RPS6KA2: variants seen among roughly 807,000 people sequenced by gnomAD.
RPS6KA2 encodes ribosomal protein S6 kinase alpha-2.
A neutral mutation model predicts 91.8 loss-of-function variants in RPS6KA2; 42 were observed. The observed-to-expected ratio is 0.46, with a 90% CI of 0.36 to 0.59. The LOEUF is 0.59. RPS6KA2 is among the 20% of genes least tolerant of loss of function. RPS6KA2 has a pLI of 0.00. For synonymous variants in RPS6KA2, 414 were observed against 393.6 expected, an observed-to-expected ratio of 1.05 and a Z score of -0.61; for missense variants, 798 against 978.5, an observed-to-expected ratio of 0.82 and a Z score of 2.46.
Position 166,490,186 on chromosome 6 carries a change from G to A in RPS6KA2, c.818+485C>T, listed in dbSNP as rs1444512729. ...GTAAAACGATACCGAGTCCTGCCAA[G>A]GTCAACCAGGAGTGCTATATGAATG... is the stretch of plus-strand genomic sequence containing the variant. On this transcript the variant is annotated intron_variant, in intron 9 of 20. Coordinates refer to ENST00000265678, the MANE Select transcript of RPS6KA2 (RefSeq NM_021135.6). The surrounding 1 kb of genome is among the most constrained non-coding windows in gnomAD (Gnocchi z 4.2). 6.6e-6 allele frequency among the ~76,000 whole-genome samples: 1 copy of A among 152,178 alleles called. No homozygotes were observed. The highest frequency in any genetic ancestry group is 1.5e-5 in the Non-Finnish European group (1 of 68,036).
chr6:166,655,523 GCCTGGGCTGGAGGCTACACA>G (rs1787977158), intron 2 of RPS6KA2, among the ~76,000 whole-genome samples: 1 of 152,242 alleles, frequency 6.6e-6, no homozygotes, highest in Non-Finnish European at 1.5e-5. Context: ...TTCTGCCACA[GCCTGGGCTGGAGGCTACACA>G]CCTGGCTGGT....
At chr6:166,570,294 C>T (rs919145809) in intron 1 of RPS6KA2, among the ~76,000 whole-genome samples, 2 of 152,192 alleles carry the variant, frequency 1.3e-5, no homozygotes, top group African/African-American at 4.8e-5. Flanking sequence ...TCACCGCCTC[C>T]TCAAAGAGAG....
At position 166,666,621 on chromosome 6, in the gene RPS6KA2, T is replaced by C. The variant is rs1788323849; in HGVS notation, c.124-127837A>G. ...ACATCAAAACAAATAGCATAATGAG[T>C]GTTGGCGAGGGTGCTGAAAAATTAG... On this transcript the variant is annotated intron_variant, in intron 2 of 21. Transcript: ENST00000503859. This position sits in a 1 kb window ranked among gnomAD's most constrained non-coding sequence, Gnocchi z 4.0. Among the ~76,000 whole-genome samples the C allele has an allele frequency of 6.6e-6, 1 of 151,958 alleles. No individual in the cohort carries two copies. Among genetic ancestry groups the C allele is most frequent in the Non-Finnish European group, 1.5e-5 (1 of 68,004 alleles).
At chr6:166,797,962 A>G (rs915857706) in intron 2 of RPS6KA2, among the ~76,000 whole-genome samples, 1 of 152,148 alleles carries the variant, frequency 6.6e-6, no homozygotes, top group African/African-American at 2.4e-5. Flanking sequence ...GGCAAGAGTG[A>G]AAAAAACCTT....
At chr6:166,439,135 GTCTC>G (rs747136951) in intron 14 of RPS6KA2, among the ~76,000 whole-genome samples, 1 of 151,362 alleles carries the variant, frequency 6.6e-6, no homozygotes, top group East Asian at 1.9e-4. Context: ...TTGAGATGGA[GTCTC>G]TCTCTGTCGC....
At chr6:166,534,145 C>T (rs1263897738) in intron 2 of RPS6KA2, among the ~76,000 whole-genome samples, 2 of 150,058 alleles carry the variant, frequency 1.3e-5, no homozygotes, top group Admixed American at 1.3e-4. Context: ...TGGTGTGAAC[C>T]CGGGAGGCGG....
chr6:166,728,694 C>T lies in RPS6KA2; in HGVS notation c.123+129506G>A, dbSNP rs559570688. 3.3e-5 allele frequency among the ~76,000 whole-genome samples: 5 copies of T among 152,266 alleles called. No individual in the cohort carries two copies. The South Asian group carries it at 1.0e-3, about 32-fold the overall frequency. Reference sequence around the variant, plus strand: ...CAATAGAATCTGTGGAATGTAGGATCAATACCACGTGCTTACTTTCTCACT... The same window carrying T: ...CAATAGAATCTGTGGAATGTAGGATTAATACCACGTGCTTACTTTCTCACT... On this transcript the variant is annotated intron_variant, in intron 2 of 21. Transcript: ENST00000503859.
At chr6:166,697,824 G>A (rs1789399606) in intron 2 of RPS6KA2, among the ~76,000 whole-genome samples, 1 of 152,212 alleles carries the variant, frequency 6.6e-6, no homozygotes, top group Non-Finnish European at 1.5e-5. Flanking sequence ...ATGGATGGAT[G>A]GCCGTTCCCT....
intron 17 of RPS6KA2, among the ~76,000 whole-genome samples, chr6:166,420,295 C>CAGTTTA (rs1778677269): frequency 1.3e-5 from 2 of 152,192 alleles, no homozygotes; most frequent in African/African-American, 4.8e-5. Flanking sequence ...TTTAAGTGCA[C>CAGTTTA]AGTTTAGCAG....
chr6:166,439,305 G>A (rs770395726), intron 14 of RPS6KA2, among the ~76,000 whole-genome samples: 4 of 152,086 alleles, frequency 2.6e-5, no homozygotes, highest in African/African-American at 7.2e-5. Flanking sequence ...ACGGGGCTTC[G>A]CCATGTTGGC....
At chr6:166,827,380 G>A (rs761858095) in intron 2 of RPS6KA2, among the ~76,000 whole-genome samples, 3 of 151,522 alleles carry the variant, frequency 2.0e-5, no homozygotes, top group Non-Finnish European at 2.9e-5. Context: ...ATGGAACACC[G>A]TTCAGCCTTG....
rs187670740 is a variant in RPS6KA2 at position 166,465,677 on chromosome 6, C to T, written c.972+4164G>A. 6.6e-5 allele frequency among the ~76,000 whole-genome samples: 10 copies of T among 152,344 alleles called. No homozygotes were observed. In the East Asian group the frequency reaches 1.9e-3, roughly 29 times the overall value. ...CCTCTGCTGGTTAATTCCACTCGCC[C>T]TCTTTCAGGCATCATTTCTCTCTCT... On this transcript the variant is annotated intron_variant, in intron 11 of 20. Coordinates refer to ENST00000265678, the MANE Select transcript of RPS6KA2 (RefSeq NM_021135.6).
chr6:166,731,459 TG>T (rs10715916), intron 2 of RPS6KA2, among the ~76,000 whole-genome samples: 5,118 of 141,346 alleles, frequency 0.036, 293 homozygotes, highest in African/African-American at 0.13. Flanking sequence ...AGGGGCGTGG[TG>T]GGGGCGGGGC....
intron 2 of RPS6KA2, among the ~76,000 whole-genome samples, chr6:166,632,469 G>A (rs932906082): frequency 5.3e-5 from 8 of 151,976 alleles, no homozygotes; most frequent in South Asian, 2.1e-4. Flanking sequence ...AAAATTAGCC[G>A]GGCATGGTGG....
intron 14 of RPS6KA2, among the ~76,000 whole-genome samples, chr6:166,441,513 C>A (rs1451658092): frequency 6.6e-6 from 1 of 152,242 alleles, no homozygotes; most frequent in Non-Finnish European, 1.5e-5. Context: ...CAGCTAACAC[C>A]CCACGTGATA....
rs1241793424 is a variant in RPS6KA2 at position 166,770,490 on chromosome 6, T to TA, written c.123+87709dup. ...TGCCATGGCTCCCTTCTGCCGCTGG[T>TA]AATTTCAGCTTATTTTGAAGGCACG... On this transcript the variant is annotated intron_variant, in intron 2 of 21. Coordinates refer to the RPS6KA2 transcript ENST00000503859. This position sits in a 1 kb window ranked among gnomAD's most constrained non-coding sequence, Gnocchi z 5.1. Among the ~76,000 whole-genome samples, 2 of 152,188 alleles carry TA rather than the reference T, an allele frequency of 1.3e-5. No homozygotes were observed. The highest frequency in any genetic ancestry group is 2.9e-5 in the Non-Finnish European group (2 of 68,036).
chr6:166,447,869 C>A (rs559334982), intron 14 of RPS6KA2, among the ~76,000 whole-genome samples: 9 of 152,172 alleles, frequency 5.9e-5, no homozygotes, highest in African/African-American at 4.8e-5. Flanking sequence ...CCTCGCTCTG[C>A]GACAGCCTGG....
chr6:166,835,030 T>C (rs1271860975), intron 2 of RPS6KA2, among the ~76,000 whole-genome samples: 1 of 152,206 alleles, frequency 6.6e-6, no homozygotes, highest in Non-Finnish European at 1.5e-5. Flanking sequence ...TGTTTATAAA[T>C]ATCTACTTGT....
intron 2 of RPS6KA2, among the ~76,000 whole-genome samples, chr6:166,723,349 T>G (rs1244124451): frequency 6.6e-6 from 1 of 152,240 alleles, no homozygotes; most frequent in Non-Finnish European, 1.5e-5. Flanking sequence ...AGAACATGAA[T>G]GCACTGCCTT....
Sources: gnomAD v4.1 joint callset for allele counts (sites outside exome capture counted in the v4.1 genomes callset) on GRCh38, gnomAD v4.1.1 for gene constraint, Gnocchi (gnomAD v3.1) non-coding constraint, MANE v1.5 for transcripts, NCBI Gene and HGNC (gene_info 2026-07-23, HGNC 2026-07-21) for gene names.